Variants in ANO10 observed in about 807,000 individuals in gnomAD.
The protein encoded by ANO10 is anoctamin 10, also known as anoctamin-10.
ANO10 carries 77 observed loss-of-function variants against 74.7 expected under a neutral mutation model. That is an observed-to-expected ratio of 1.03 (90% CI 0.86 to 1.25). ANO10 has a LOEUF of 1.25. Ranked by LOEUF, ANO10 falls within the 50% of genes most tolerant of loss-of-function variation. ANO10 has a pLI of 0.00. For missense variants in ANO10, 721 were observed against 778.1 expected (o/e 0.93, Z 0.87); for synonymous variants, 279 against 284.9 (o/e 0.98, Z 0.21).
chr3:43,619,425 C>T (rs996548546), intron 1 of ANO10, among the ~76,000 whole-genome samples: 2 of 152,182 alleles, frequency 1.3e-5, no homozygotes, highest in African/African-American at 2.4e-5. Flanking sequence ...CTGGTTTCAA[C>T]AATTGCACCA....
intron 1 of ANO10, among the ~76,000 whole-genome samples, chr3:43,607,761 A>AGGGGG (rs1559775101): frequency 2.0e-5 from 3 of 152,230 alleles, no homozygotes; most frequent in Non-Finnish European, 4.4e-5. Flanking sequence ...ATGATCATAT[A>AGGGGG]TTCAAAGAAC....
At chr3:43,517,394 C>T (rs1417277288) in intron 11 of ANO10, among the ~76,000 whole-genome samples, 1 of 152,036 alleles carries the variant, frequency 6.6e-6, no homozygotes, top group Non-Finnish European at 1.5e-5. Context: ...ACTGAATGCC[C>T]CCTTGCCCTC....
intron 1 of ANO10, among the ~76,000 whole-genome samples, chr3:43,672,351 C>A (rs962106204): frequency 7.9e-5 from 12 of 151,948 alleles, no homozygotes; most frequent in African/African-American, 2.9e-4. Context: ...TAGTGAGACT[C>A]CGTCTCAACA....
chr3:43,410,267 TAG>T (rs2092644074), intron 12 of ANO10, among the ~76,000 whole-genome samples: 1 of 152,150 alleles, frequency 6.6e-6, no homozygotes. Flanking sequence ...ATTTATTTTT[TAG>T]AGACAGAGTC....
At chr3:43,630,971 A>G (rs1178379135) in intron 1 of ANO10, among the ~76,000 whole-genome samples, 1 of 150,550 alleles carries the variant, frequency 6.6e-6, no homozygotes, top group East Asian at 1.9e-4. Flanking sequence ...GCTACCTGCA[A>G]GAGGTATATG....
chr3:43,444,641 A>T (rs369705111), intron 11 of ANO10, among the ~76,000 whole-genome samples: 22 of 152,300 alleles, frequency 1.4e-4, no homozygotes, highest in African/African-American at 5.3e-4. Flanking sequence ...TGTTAGCTAT[A>T]AGGCAGATGT....
chr3:43,445,122 CAAAAAAAAA>C (rs10689478), intron 11 of ANO10, among the ~76,000 whole-genome samples: 4 of 91,534 alleles, frequency 4.4e-5, no homozygotes, highest in Non-Finnish European at 8.3e-5. Flanking sequence ...GACTTTGCCT[CAAAAAAAAA>C]AAAAAAAAAA....
chr3:43,409,859 G>A (rs904295585), intron 12 of ANO10, among the ~76,000 whole-genome samples: 46 of 152,144 alleles, frequency 3.0e-4, no homozygotes, highest in African/African-American at 6.5e-4. Flanking sequence ...AAGGGTCTAC[G>A]CAAGCGTTTT....
chr3:43,390,244 G>A (rs982343902), intron 12 of ANO10, among the ~76,000 whole-genome samples: 1 of 152,058 alleles, frequency 6.6e-6, no homozygotes, highest in Non-Finnish European at 1.5e-5. Context: ...ACCACCTCTG[G>A]GTCTCCTCTC....
At chr3:43,469,954 T>C (rs2075785740) in intron 11 of ANO10, among the ~76,000 whole-genome samples, 1 of 152,214 alleles carries the variant, frequency 6.6e-6, no homozygotes, top group African/African-American at 2.4e-5. Flanking sequence ...AAACAGTCAA[T>C]GTAAAGCTTA....
At chr3:43,678,419 C>T (rs2084150194) in intron 1 of ANO10, among the ~76,000 whole-genome samples, 1 of 152,178 alleles carries the variant, frequency 6.6e-6, no homozygotes, top group Non-Finnish European at 1.5e-5. Flanking sequence ...CCCAGCGCCA[C>T]ACCCTGGGCC....
intron 1 of ANO10, among the ~76,000 whole-genome samples, chr3:43,676,117 A>G (rs1399926524): frequency 1.3e-5 from 2 of 152,178 alleles, no homozygotes; most frequent in Non-Finnish European, 2.9e-5. Context: ...TTTATGTACA[A>G]CAATTTTAAT....
At chr3:43,691,240 C>A in intron 1 of ANO10, 1 of 445,076 alleles carries the variant, frequency 2.2e-6, no homozygotes, top group Non-Finnish European at 3.7e-6. Context: ...CTCCCCTCAG[C>A]GTCGGGGCCC....
At chr3:43,690,989 G>T in intron 1 of ANO10, 1 of 1,573,078 alleles carries the variant, frequency 6.4e-7, no homozygotes, top group Non-Finnish European at 8.6e-7. Flanking sequence ...GCGCGGCGGC[G>T]GCTATGGCGG....
chr3:43,503,159 T>C (rs1459516069), intron 11 of ANO10, among the ~76,000 whole-genome samples: 1 of 152,202 alleles, frequency 6.6e-6, no homozygotes, highest in Non-Finnish European at 1.5e-5. Context: ...AACACTACAG[T>C]TATGGATGTA....
chr3:43,593,593 A>T (rs1575503786), intron 4 of ANO10, among the ~76,000 whole-genome samples: 2 of 152,338 alleles, frequency 1.3e-5, no homozygotes, highest in South Asian at 4.1e-4. Flanking sequence ...CTGCCCTAAA[A>T]GGGCTCCTGA....
At chr3:43,610,403 T>C (rs941527172) in intron 1 of ANO10, among the ~76,000 whole-genome samples, 2 of 152,232 alleles carry the variant, frequency 1.3e-5, no homozygotes, top group African/African-American at 2.4e-5. Flanking sequence ...ATTAAGAGTA[T>C]AGTATAGTAA....
chr3:43,562,411 C>T (rs986432359), intron 8 of ANO10, among the ~76,000 whole-genome samples: 3 of 138,712 alleles, frequency 2.2e-5, no homozygotes, highest in Non-Finnish European at 4.5e-5. Context: ...AAGATCGCGC[C>T]ACTGCACTCC....
chr3:43,432,674 T>G lies in ANO10; in HGVS notation c.1851A>C (p.Pro617=), dbSNP rs771400322. The change falls in exon 12 of 13, where the codon CCA becomes CCC. Residue 617 remains proline (P), a synonymous_variant. Coordinates refer to ENST00000292246, the MANE Select transcript of ANO10 (RefSeq NM_018075.5). ...FILAFAIPDK[P]RHIQMKLARL... is the part of the protein sequence containing the mutation. ...TGGCTAGTTTCATCTGGATATGCCG[T>G]GGCTTATCAGGTATGGCAAATGCAA... The G allele has an allele frequency of 6.2e-7, 1 of 1,613,992 alleles. No individual in the cohort carries two copies. The highest frequency in any genetic ancestry group is 8.5e-7 in the Non-Finnish European group (1 of 1,179,934).
Sources: allele counts gnomAD v4.1 joint callset (sites outside exome capture counted in the v4.1 genomes callset), GRCh38; gene constraint gnomAD v4.1.1; transcripts MANE v1.5; gene names NCBI Gene and HGNC (gene_info 2026-07-23, HGNC 2026-07-21).